Variants in HECW1 observed in about 807,000 individuals in gnomAD.
The protein encoded by HECW1 is HECT, C2 and WW domain containing E3 ubiquitin protein ligase 1, also known as E3 ubiquitin-protein ligase HECW1.
HECW1 carries 61 observed loss-of-function variants against 182.3 expected under a neutral mutation model. That is an observed-to-expected ratio of 0.33 (90% CI 0.27 to 0.41). The LOEUF (loss-of-function observed/expected upper bound fraction) is 0.41, where lower values mean the gene tolerates loss of function less well. HECW1 is among the 10% of genes least tolerant of loss of function. The probability of loss-of-function intolerance (pLI) is 1.00; values close to 1 mark genes in which losing one functional copy is unlikely to be tolerated. For synonymous variants in HECW1, 859 were observed against 832.6 expected, an observed-to-expected ratio of 1.03 and a Z score of -0.55; for missense variants, 1,739 against 2,108.9, an observed-to-expected ratio of 0.82 and a Z score of 3.44.
intron 6 of HECW1, among the ~76,000 whole-genome samples, chr7:43,379,683 G>C (rs1416046614): frequency 6.6e-6 from 1 of 152,016 alleles, no homozygotes. Context: ...TTGCACTTCA[G>C]GTTTCTCTGC....
intron 17 of HECW1, among the ~76,000 whole-genome samples, chr7:43,490,668 A>T (rs1488626649): frequency 1.3e-5 from 2 of 152,208 alleles, no homozygotes; most frequent in African/African-American, 4.8e-5. Flanking sequence ...TGCATAGTTT[A>T]TTGATCAGCA....
intron 5 of HECW1, among the ~76,000 whole-genome samples, chr7:43,353,373 T>A (rs189888200): frequency 1.8e-4 from 27 of 152,240 alleles, no homozygotes; most frequent in African/African-American, 6.5e-4. Flanking sequence ...AATACTCGTT[T>A]AAGAAAAAGG....
rs1190661326 is a variant in HECW1, at chr7:43,396,640, G to A, written c.556-174G>A. 10 of 546,650 alleles carry A rather than the reference G, an allele frequency of 1.8e-5. No individual in the cohort carries two copies. The Admixed American group carries it at 2.4e-4, about 13-fold the overall frequency. The allele number at this position is 546,650 out of a possible 1,614,324, so 33.9% of individuals were successfully genotyped here. A position where few individuals can be genotyped will look rare whatever the true frequency, so the allele number is the denominator to read the frequency against. ...CCCCACTAGCAGATCCTCTACTACT[G>A]GGAAAAACATTAGGTTGCTAGAAAG... On this transcript the variant is annotated intron_variant, in intron 6 of 29. Coordinates refer to ENST00000395891, the MANE Select transcript of HECW1 (RefSeq NM_015052.5).
At chr7:43,424,728 C>A (rs530959659) in intron 8 of HECW1, among the ~76,000 whole-genome samples, 1 of 152,224 alleles carries the variant, frequency 6.6e-6, no homozygotes, top group South Asian at 2.1e-4. Flanking sequence ...TTGTAAATTA[C>A]TTTAAATTGC....
chr7:43,383,284 T>C lies in HECW1; in HGVS notation c.556-13530T>C, dbSNP rs144800067. The stretch of plus-strand genomic sequence containing the variant: ...TTATAGTAGCATGATTTATGATCCT[T>C]TGGGTATATACCCAGTAATGGGATT... On this transcript the variant is annotated intron_variant, in intron 6 of 29. Coordinates refer to ENST00000395891, the MANE Select transcript of HECW1 (RefSeq NM_015052.5). Among the ~76,000 whole-genome samples, 499 of 152,356 alleles carry C rather than the reference T, an allele frequency of 3.3e-3. 4 individuals are homozygous for C. Among genetic ancestry groups the C allele is most frequent in the East Asian group, 0.02 (103 of 5,188 alleles).
chr7:43,404,659 A>G (rs1207013755), intron 7 of HECW1, among the ~76,000 whole-genome samples: 3 of 152,310 alleles, frequency 2.0e-5, no homozygotes, highest in South Asian at 4.1e-4. Flanking sequence ...ATTTTTATAA[A>G]AAGACAATAT....
intron 2 of HECW1, among the ~76,000 whole-genome samples, chr7:43,194,697 CT>C (rs59580794): frequency 0.058 from 8,337 of 143,208 alleles, 303 homozygotes; most frequent in African/African-American, 0.11. Context: ...GCTCTCCACC[CT>C]TTTTTTTTTT....
At chr7:43,515,479 AAAGATTTTTCAG>A (rs2080101025) in intron 24 of HECW1, among the ~76,000 whole-genome samples, 1 of 152,208 alleles carries the variant, frequency 6.6e-6, no homozygotes, top group East Asian at 1.9e-4. Context: ...GTAGAAATGG[AAAGATTTTTCAG>A]AAGGAGCATG....
chr7:43,130,186 G>T (rs1345473200), intron 2 of HECW1, among the ~76,000 whole-genome samples: 2 of 152,116 alleles, frequency 1.3e-5, no homozygotes, highest in Non-Finnish European at 2.9e-5. Context: ...TCTTCTCAGA[G>T]ATTTTTTGAC....
rs376558839 is a variant in HECW1 at position 43,167,479 on chromosome 7, C to T, written c.-32+53088C>T. On this transcript the variant is annotated intron_variant, in intron 2 of 29. Transcript: ENST00000395891. ...ATATGAATTTAAGGGATCCACTATT[C>T]AACAACTCCAGATGGAGGGAGGTTG... Among the ~76,000 whole-genome samples the T allele has an allele frequency of 5.3e-5, 8 of 152,176 alleles. No individual in the cohort carries two copies. In the East Asian group the frequency reaches 7.7e-4, roughly 15 times the overall value.
intron 24 of HECW1, among the ~76,000 whole-genome samples, chr7:43,516,728 G>A (rs538375485): frequency 1.6e-3 from 241 of 152,278 alleles, no homozygotes; most frequent in Non-Finnish European, 3.0e-3. Context: ...GCATCACTAA[G>A]CAATTTTATC....
Position 43,444,786 on chromosome 7 carries a change from T to C in HECW1, c.1614T>C (p.Pro538=). 6.2e-7 allele frequency: 1 copy of C among 1,614,086 alleles called. No homozygotes were observed. Among genetic ancestry groups the C allele is most frequent in the Non-Finnish European group, 8.5e-7 (1 of 1,180,004 alleles). The change falls in exon 11 of 30, where the codon CCT becomes CCC. Residue 538 remains proline (P), a synonymous_variant. Coordinates refer to ENST00000395891, the MANE Select transcript of HECW1 (RefSeq NM_015052.5). This position sits in a 1 kb window ranked among gnomAD's most constrained non-coding sequence, Gnocchi z 4.3. ...VKRKSRPCSL[P]VSELETVIAS... ...GAAAAAGCAGGCCCTGCTCCTTGCC[T>C]GTGTCCGAGCTGGAGACGGTGATCG...
intron 4 of HECW1, among the ~76,000 whole-genome samples, chr7:43,314,897 AT>A (rs1207317509): frequency 1.3e-5 from 2 of 152,210 alleles, no homozygotes; most frequent in Non-Finnish European, 2.9e-5. Context: ...CTCATCTGTC[AT>A]TTCATGAATG....
chr7:43,181,133 C>T (rs911023400), intron 2 of HECW1, among the ~76,000 whole-genome samples: 8 of 150,670 alleles, frequency 5.3e-5, no homozygotes, highest in Non-Finnish European at 1.2e-4. Flanking sequence ...TTTCACTTAA[C>T]ATAATGTCCT....
In HECW1 at chr7:43,517,147, CA is replaced by C. The variant is rs35356971; in HGVS notation, c.4019+8027del. Among the ~76,000 whole-genome samples the C allele has an allele frequency of 2.9e-3, 441 of 152,216 alleles. 4 individuals carry two copies. Among genetic ancestry groups the C allele is most frequent in the Middle Eastern group, 6.8e-3 (2 of 294 alleles). ...TCAGTGTGAGAAGGATTTTCAGGGC[CA>C]GATTTCAGATTTGATGCTGTTAATC... On this transcript the variant is annotated intron_variant, in intron 24 of 29. Transcript: ENST00000395891.
At chr7:43,535,270 C>T (rs1254918412) in intron 24 of HECW1, among the ~76,000 whole-genome samples, 1 of 152,180 alleles carries the variant, frequency 6.6e-6, no homozygotes, top group Non-Finnish European at 1.5e-5. Context: ...ATGTGTGAAA[C>T]TCAATTACCT....
At chr7:43,304,058 G>A (rs764672502) in intron 3 of HECW1, among the ~76,000 whole-genome samples, 10 of 152,262 alleles carry the variant, frequency 6.6e-5, no homozygotes, top group East Asian at 3.9e-4. Flanking sequence ...CTTAACAGTC[G>A]TGACTCAGAG....
intron 5 of HECW1, among the ~76,000 whole-genome samples, chr7:43,326,645 CAG>C (rs1474055263): frequency 6.6e-6 from 1 of 152,208 alleles, no homozygotes; most frequent in Non-Finnish European, 1.5e-5. Context: ...TGAGAGGAAA[CAG>C]GGCAGGATCG....
At chr7:43,506,736 A>G (rs1347957928) in intron 21 of HECW1, among the ~76,000 whole-genome samples, 2 of 152,172 alleles carry the variant, frequency 1.3e-5, no homozygotes, top group Non-Finnish European at 2.9e-5. Flanking sequence ...AGCCTGGCCA[A>G]TGTAGTGAAA....
Sources: gnomAD v4.1 joint callset for allele counts (sites outside exome capture counted in the v4.1 genomes callset) on GRCh38, gnomAD v4.1.1 for gene constraint, Gnocchi (gnomAD v3.1) non-coding constraint, MANE v1.5 for transcripts, NCBI Gene and HGNC (gene_info 2026-07-23, HGNC 2026-07-21) for gene names.